Variants in ZCCHC4 observed in about 807,000 individuals in gnomAD.
The protein encoded by ZCCHC4 is rRNA N(6)-adenosine-methyltransferase ZCCHC4.
ZCCHC4 carries 54 observed loss-of-function variants against 67.7 expected under a neutral mutation model. The ratio of observed to expected loss-of-function variants is 0.80; its 90% CI spans 0.64 to 1.00. The LOEUF is 1.00. Ranked by LOEUF, ZCCHC4 falls within the 50% of genes least tolerant of loss-of-function variation. The pLI, the probability that ZCCHC4 is intolerant of heterozygous loss-of-function variation, is 0.00. For synonymous variants in ZCCHC4, 198 were observed against 213.5 expected (o/e 0.93, Z 0.63); for missense variants, 609 against 617.0 (o/e 0.99, Z 0.14).
chr4:25,360,920 G>A (rs1279574502), intron 8 of ZCCHC4, among the ~76,000 whole-genome samples: 1 of 152,178 alleles, frequency 6.6e-6, no homozygotes, highest in African/African-American at 2.4e-5. Context: ...AGTAGCCAAT[G>A]GGCTGAACTT....
intron 3 of ZCCHC4, among the ~76,000 whole-genome samples, chr4:25,316,862 T>G (rs1718292348): frequency 6.6e-6 from 1 of 152,226 alleles, no homozygotes; most frequent in Non-Finnish European, 1.5e-5. Context: ...GCTTTCGGTG[T>G]ATAGATCAGA....
intron 8 of ZCCHC4, among the ~76,000 whole-genome samples, chr4:25,353,342 A>G (rs990443052): frequency 6.6e-6 from 1 of 152,234 alleles, no homozygotes; most frequent in Non-Finnish European, 1.5e-5. Flanking sequence ...AAAAGTGTGT[A>G]GCACAAGCCA....
chr4:25,349,289 C>G (rs950857018), intron 6 of ZCCHC4, among the ~76,000 whole-genome samples: 1 of 152,074 alleles, frequency 6.6e-6, no homozygotes. Flanking sequence ...TTTTAAAAAC[C>G]TGCTTATCAA....
At chr4:25,326,926 C>T (rs148960741) in intron 3 of ZCCHC4, among the ~76,000 whole-genome samples, 2 of 152,206 alleles carry the variant, frequency 1.3e-5, no homozygotes, top group East Asian at 1.9e-4. Context: ...AGATTTATCA[C>T]GAAGTATTTC....
chr4:25,333,052 C>T (rs889188409), intron 3 of ZCCHC4, 131 bp from the exon 4 acceptor site: 2 of 869,108 alleles, frequency 2.3e-6, no homozygotes, highest in Non-Finnish European at 3.4e-6. Context: ...AGATTTCTTC[C>T]TACTTTTCTT....
At chr4:25,331,804 C>G (rs1396004440) in intron 3 of ZCCHC4, among the ~76,000 whole-genome samples, 1 of 152,108 alleles carries the variant, frequency 6.6e-6, no homozygotes, top group Non-Finnish European at 1.5e-5. Context: ...ATAAAGCTGT[C>G]AAAAGAACAG....
At chr4:25,366,224 A>C in intron 12 of ZCCHC4, 3 of 938,990 alleles carry the variant, frequency 3.2e-6, no homozygotes, top group Non-Finnish European at 3.8e-6. Context: ...TCGTTCCTAC[A>C]TTTACTCTAC....
intron 3 of ZCCHC4, among the ~76,000 whole-genome samples, chr4:25,325,666 G>T (rs2667295): frequency 0.91 from 138,169 of 152,244 alleles, 62,963 homozygotes; most frequent in African/African-American, 0.98. Context: ...AGAAAAAAAT[G>T]TTAAGTCATG....
Position 25,314,718 on chromosome 4 carries a change from A to G in ZCCHC4, c.246+554A>G, listed in dbSNP as rs1261010990. Among the ~76,000 whole-genome samples the G allele has an allele frequency of 1.3e-5, 2 of 152,178 alleles. 1 individual carries two copies. Among genetic ancestry groups the G allele is most frequent in the Admixed American group, 1.3e-4 (2 of 15,266 alleles). On this transcript the variant is annotated intron_variant, in intron 2 of 12. Transcript: ENST00000302874. ...CTCAAAGGCGCCTCATTTAAATACC[A>G]TCACATTGGGGTTAAGGCTTCAACA...
intron 12 of ZCCHC4, 50 bp downstream of exon 12, chr4:25,365,216 A>G (rs770692058): frequency 6.3e-7 from 1 of 1,597,952 alleles, no homozygotes. Context: ...TGTTTTATAC[A>G]GGATAATCCA....
intron 8 of ZCCHC4, among the ~76,000 whole-genome samples, chr4:25,357,449 C>T (rs1720562310): frequency 6.6e-6 from 1 of 152,186 alleles, no homozygotes; most frequent in South Asian, 2.1e-4. Context: ...GGACTGCAAA[C>T]TCACCATACT....
At chr4:25,328,775 G>T (rs557557614) in intron 3 of ZCCHC4, among the ~76,000 whole-genome samples, 7 of 151,636 alleles carry the variant, frequency 4.6e-5, no homozygotes, top group Non-Finnish European at 8.8e-5. Context: ...TAGAGACAGG[G>T]TCTTGCCATG....
intron 5 of ZCCHC4, among the ~76,000 whole-genome samples, chr4:25,339,975 T>C (rs1719656483): frequency 6.6e-6 from 1 of 151,972 alleles, no homozygotes; most frequent in South Asian, 2.1e-4. Context: ...TTTGCACCAT[T>C]CTCCTGCCTC....
Position 25,364,448 on chromosome 4 carries a change from TGG to T in ZCCHC4, c.1210-5_1210-4del. On this transcript the variant is annotated splice_region_variant and splice_polypyrimidine_tract_variant and intron_variant, in intron 10 of 12. Transcript: ENST00000302874. ...ATAATTTAAAAATTGTTTTTTTTTT[TGG>T]TAGGATGGCAGGAAATGGAACCATT... The T allele has an allele frequency of 1.3e-6, 2 of 1,507,394 alleles. No individual in the cohort carries two copies. The highest frequency in any genetic ancestry group is 1.5e-5 in the South Asian group (1 of 68,544). 93.4% of individuals were successfully genotyped at this position (1,507,394 alleles called of 1,614,324 possible). A position where few individuals can be genotyped will look rare whatever the true frequency, so the allele number is the denominator to read the frequency against.
rs767799198 is a variant in ZCCHC4, at chr4:25,333,416, C to G, written c.563C>G (p.Ser188Cys). ...TGTCAGTTCTTGGTAGACTTACTTT[C>G]TGCCCTCGGATTCAGAAGAGTACTG... ...RSCQFLVDLLSALGFRRVLCV... is the reference protein window; with the variant it reads ...RSCQFLVDLLCALGFRRVLCV... Residue 188 changes from serine to cysteine, a missense_variant, in exon 4 of 13, where the codon TCT (serine) becomes TGT (cysteine). Coordinates refer to ENST00000302874, the MANE Select transcript of ZCCHC4 (RefSeq NM_024936.3). 1 of 1,614,204 alleles carries G rather than the reference C, an allele frequency of 6.2e-7. No individual in the cohort carries two copies. Among genetic ancestry groups the G allele is most frequent in the Non-Finnish European group, 8.5e-7 (1 of 1,180,034 alleles).
chr4:25,324,420 C>T (rs1053900865), intron 3 of ZCCHC4, among the ~76,000 whole-genome samples: 8 of 152,078 alleles, frequency 5.3e-5, no homozygotes, highest in South Asian at 4.1e-4. Flanking sequence ...CCTTTATTCA[C>T]GAATAATGTT....
In ZCCHC4 at chr4:25,333,922, T is replaced by TC; in HGVS notation, c.621dup (p.Lys208GlnfsTer7). 6.2e-7 allele frequency: 1 copy of TC among 1,600,048 alleles called. No individual in the cohort carries two copies. The highest frequency in any genetic ancestry group is 2.2e-5 in the East Asian group (1 of 44,540). ...AATTGCTTTAGGTTGCATGAGCTGATCAAGTTGACAGCATCAGGTGACAAG... is the reference window on the plus strand; with the variant it reads ...AATTGCTTTAGGTTGCATGAGCTGATCCAAGTTGACAGCATCAGGTGACAAG... On this transcript the variant is annotated frameshift_variant, in exon 5 of 13. Transcript: ENST00000302874. LOFTEE classifies it high-confidence loss of function.
chr4:25,322,066 T>C (rs920304654), intron 3 of ZCCHC4, among the ~76,000 whole-genome samples: 4 of 152,208 alleles, frequency 2.6e-5, no homozygotes, highest in Non-Finnish European at 5.9e-5. Flanking sequence ...CATATCTCCA[T>C]ATTGCAGATG....
chr4:25,362,146 A>G, intron 9 of ZCCHC4, 80 bp from the exon 10 acceptor site: 1 of 1,470,798 alleles, frequency 6.8e-7, no homozygotes, highest in Non-Finnish European at 9.3e-7. Flanking sequence ...CAGTTTTTGT[A>G]ATGAGTGCTT....
Sources: gnomAD v4.1 joint callset for allele counts (sites outside exome capture counted in the v4.1 genomes callset) on GRCh38, gnomAD v4.1.1 for gene constraint, MANE v1.5 for transcripts, NCBI Gene and HGNC (gene_info 2026-07-23, HGNC 2026-07-21) for gene names.